Variants in CTNNA3 observed in about 807,000 individuals in gnomAD.
The protein encoded by CTNNA3 is catenin alpha-3.
CTNNA3 carries 76 observed loss-of-function variants against 95.7 expected under a neutral mutation model. The observed-to-expected ratio is 0.79, with a 90% CI of 0.66 to 0.96. CTNNA3 has a LOEUF of 0.96. Among genes scored for constraint, CTNNA3 ranks in the 40% least tolerant of loss-of-function variants. The probability of loss-of-function intolerance (pLI) is 0.00; values close to 1 mark genes in which losing one functional copy is unlikely to be tolerated. For missense variants in CTNNA3, 1,191 were observed against 1,089.8 expected, an observed-to-expected ratio of 1.09 and a Z score of -1.31; for synonymous variants, 431 against 374.4, an observed-to-expected ratio of 1.15 and a Z score of -1.74.
At chr10:67,663,690 C>T (rs1840257601) in intron 1 of CTNNA3, among the ~76,000 whole-genome samples, 1 of 152,200 alleles carries the variant, frequency 6.6e-6, no homozygotes, top group Non-Finnish European at 1.5e-5. Flanking sequence ...TCTTATTGAC[C>T]TTACTTTTAA....
intron 14 of CTNNA3, among the ~76,000 whole-genome samples, chr10:66,096,261 G>A (rs1365663466): frequency 6.6e-6 from 1 of 152,006 alleles, no homozygotes; most frequent in African/African-American, 2.4e-5. Context: ...GTGTGAGACA[G>A]AACAAAACCT....
intron 11 of CTNNA3, among the ~76,000 whole-genome samples, chr10:66,413,199 C>T (rs2093121842): frequency 6.6e-6 from 1 of 152,150 alleles, no homozygotes; most frequent in Admixed American, 6.5e-5. Flanking sequence ...CAAACCTCTA[C>T]TCTCCATTCT....
chr10:66,433,698 T>C (rs1486861995), intron 11 of CTNNA3, among the ~76,000 whole-genome samples: 1 of 152,232 alleles, frequency 6.6e-6, no homozygotes, highest in Non-Finnish European at 1.5e-5. Context: ...TTTGGTGTTT[T>C]AGTCATGAAG....
intron 7 of CTNNA3, among the ~76,000 whole-genome samples, chr10:66,966,338 C>T (rs1486182953): frequency 6.6e-6 from 1 of 152,002 alleles, no homozygotes; most frequent in Non-Finnish European, 1.5e-5. Flanking sequence ...AGAATTTTAG[C>T]ATCATCTAAC....
At chr10:67,249,580 G>C (rs763935269) in intron 5 of CTNNA3, among the ~76,000 whole-genome samples, 1 of 152,012 alleles carries the variant, frequency 6.6e-6, no homozygotes, top group Non-Finnish European at 1.5e-5. Context: ...ATGTATTACC[G>C]AGCTTGTAAA....
Position 66,548,140 on chromosome 10 carries a change from C to T in CTNNA3, c.1375-27367G>A, listed in dbSNP as rs186023448. ...CCATGTTGGTCAGGCTGGTCTCAAACTCCGAACCTCAGGTGATCCGTCCAC... is the reference window on the plus strand; with the variant it reads ...CCATGTTGGTCAGGCTGGTCTCAAATTCCGAACCTCAGGTGATCCGTCCAC... On this transcript the variant is annotated intron_variant, in intron 10 of 17. Transcript: ENST00000433211. Among the ~76,000 whole-genome samples the T allele has an allele frequency of 2.6e-4, 39 of 152,156 alleles. 1 individual carries two copies. In the East Asian group the frequency reaches 7.2e-3, roughly 28 times the overall value.
At chr10:67,351,323 T>C (rs1390364023) in intron 5 of CTNNA3, among the ~76,000 whole-genome samples, 2 of 151,854 alleles carry the variant, frequency 1.3e-5, no homozygotes, top group Non-Finnish European at 2.9e-5. Context: ...CCAAAACTCA[T>C]AGAAATATAC....
chr10:66,109,605 C>T (rs2082041629), intron 13 of CTNNA3, among the ~76,000 whole-genome samples: 1 of 152,104 alleles, frequency 6.6e-6, no homozygotes, highest in Non-Finnish European at 1.5e-5. Context: ...CCAAGAATGA[C>T]TATATTTAAA....
intron 7 of CTNNA3, among the ~76,000 whole-genome samples, chr10:66,930,603 C>G (rs1023917188): frequency 6.6e-6 from 1 of 152,104 alleles, no homozygotes; most frequent in African/African-American, 2.4e-5. Flanking sequence ...TATATTTAGG[C>G]AAGGAATACT....
intron 9 of CTNNA3, among the ~76,000 whole-genome samples, chr10:66,687,654 T>C (rs1020314212): frequency 1.3e-5 from 2 of 151,756 alleles, no homozygotes; most frequent in African/African-American, 4.8e-5. Flanking sequence ...TCTTCTACCT[T>C]TTTTTCTCAC....
At position 66,514,822 on chromosome 10, in the gene CTNNA3, T is replaced by C. The variant is rs1840782085; in HGVS notation, c.1531+5795A>G. Among the ~76,000 whole-genome samples the C allele has an allele frequency of 2.0e-5, 3 of 152,184 alleles. No individual in the cohort carries two copies. The South Asian group carries it at 6.2e-4, about 31-fold the overall frequency. On this transcript the variant is annotated intron_variant, in intron 11 of 17. Transcript: ENST00000433211. Reference sequence around the variant, plus strand: ...TATGGTCCAAATCATTCATCCCTTCTATCAAAGTTTGTAGCTCATGATGAG... The same window carrying C: ...TATGGTCCAAATCATTCATCCCTTCCATCAAAGTTTGTAGCTCATGATGAG...
At chr10:66,397,305 C>G (rs2092986195) in intron 11 of CTNNA3, among the ~76,000 whole-genome samples, 1 of 151,590 alleles carries the variant, frequency 6.6e-6, no homozygotes, top group Non-Finnish European at 1.5e-5. Context: ...ACTCTTATAG[C>G]TAAGGCTTAG....
chr10:67,439,959 A>G lies in CTNNA3; in HGVS notation c.579+81883T>C, dbSNP rs551972081. Among the ~76,000 whole-genome samples the G allele has an allele frequency of 1.6e-4, 24 of 152,288 alleles. 1 individual carries two copies. In the South Asian group the frequency reaches 4.8e-3, roughly 30 times the overall value. Reference sequence around the variant, plus strand: ...TTTCTGCCTGAGAAAAGCATGGGGAAACGTAAAGGGGGCTTTTTCTTGCAC... The same window carrying G: ...TTTCTGCCTGAGAAAAGCATGGGGAGACGTAAAGGGGGCTTTTTCTTGCAC... On this transcript the variant is annotated intron_variant, in intron 5 of 17. Coordinates refer to ENST00000433211, the MANE Select transcript of CTNNA3 (RefSeq NM_013266.4).
intron 13 of CTNNA3, among the ~76,000 whole-genome samples, chr10:66,224,270 T>C (rs2089140812): frequency 6.6e-6 from 1 of 152,130 alleles, no homozygotes; most frequent in African/African-American, 2.4e-5. Flanking sequence ...CTCCTACTGG[T>C]TCTCTTTCTC....
At chr10:67,384,905 TA>T (rs1426528970) in intron 5 of CTNNA3, among the ~76,000 whole-genome samples, 1 of 152,212 alleles carries the variant, frequency 6.6e-6, no homozygotes, top group African/African-American at 2.4e-5. Flanking sequence ...GAAAAAGTGG[TA>T]AAGATTTGAA....
At chr10:65,946,486 T>G (rs2077518780) in intron 17 of CTNNA3, among the ~76,000 whole-genome samples, 1 of 152,124 alleles carries the variant, frequency 6.6e-6, no homozygotes, top group African/African-American at 2.4e-5. Context: ...AAAGCGTTAG[T>G]TATTATCTGG....
intron 13 of CTNNA3, among the ~76,000 whole-genome samples, chr10:66,182,905 G>A (rs2086130323): frequency 6.6e-6 from 1 of 152,200 alleles, no homozygotes; most frequent in Middle Eastern, 3.4e-3. Context: ...GAAGGTGAAC[G>A]TAACATTAAA....
chr10:66,867,751 G>T (rs1369243446), intron 7 of CTNNA3, among the ~76,000 whole-genome samples: 2 of 151,896 alleles, frequency 1.3e-5, no homozygotes, highest in Non-Finnish European at 2.9e-5. Flanking sequence ...CATGCAATAT[G>T]AGTCTACTAT....
At chr10:66,905,045 C>T (rs1845924437) in intron 7 of CTNNA3, among the ~76,000 whole-genome samples, 1 of 152,172 alleles carries the variant, frequency 6.6e-6, no homozygotes, top group Admixed American at 6.5e-5. Context: ...GATTATAAAT[C>T]ATGCTACTAT....
Sources: allele counts gnomAD v4.1 joint callset (sites outside exome capture counted in the v4.1 genomes callset), GRCh38; gene constraint gnomAD v4.1.1; transcripts MANE v1.5; gene names NCBI Gene and HGNC (gene_info 2026-07-23, HGNC 2026-07-21).